Variants in SCN1A observed in about 807,000 individuals in gnomAD.
SCN1A encodes sodium channel protein type 1 subunit alpha.
Under a neutral mutation model 193.7 loss-of-function variants are expected in SCN1A, and 13 were observed. That is an observed-to-expected ratio of 0.07 (90% CI 0.04 to 0.11). The LOEUF (loss-of-function observed/expected upper bound fraction) is 0.11. SCN1A is among the 10% of genes least tolerant of loss of function. SCN1A has a pLI of 1.00. For missense variants in SCN1A, 1,432 were observed against 2,451.1 expected, an observed-to-expected ratio of 0.58 and a Z score of 8.78; for synonymous variants, 781 against 843.6, an observed-to-expected ratio of 0.93 and a Z score of 1.29.
chr2:166,095,260 T>C (rs1043684874), intron 2 of SCN1A, among the ~76,000 whole-genome samples: 1 of 152,208 alleles, frequency 6.6e-6, no homozygotes, highest in Non-Finnish European at 1.5e-5. Context: ...TATGATATAA[T>C]TATTTGTATT....
Position 165,991,141 on chromosome 2 carries a change from A to G in SCN1A, c.*104T>C. The G allele has an allele frequency of 1.0e-6, 1 of 1,003,064 alleles. No individual in the cohort carries two copies. The allele number at this position is 1,003,064 out of a possible 1,614,324, so 62.1% of individuals were successfully genotyped here. The stretch of plus-strand genomic sequence containing the variant: ...ACCTTAAGGAGATTTGTGTAAAAAC[A>G]GTCAGTTTGGCATTGACCTCCTAAA... On this transcript the variant is annotated 3_prime_UTR_variant, in exon 29 of 29. Transcript: ENST00000674923.
intron 22 of SCN1A, among the ~76,000 whole-genome samples, chr2:166,010,694 T>C (rs1692325066): frequency 6.6e-6 from 1 of 151,194 alleles, no homozygotes; most frequent in Non-Finnish European, 1.5e-5. Flanking sequence ...GCACACTATT[T>C]TTGTAAACTT....
At position 165,996,196 on chromosome 2, in the gene SCN1A, G is replaced by T; in HGVS notation, c.4477-79C>A. 4.6e-6 allele frequency: 4 copies of T among 861,866 alleles called. No homozygotes were observed. In the Admixed American group the frequency reaches 8.7e-5, roughly 19 times the overall value. 53.4% of individuals were successfully genotyped at this position (861,866 alleles called of 1,614,324 possible). ...TTCAATGTTAAAATAGAAAATGGAT[G>T]GCTAAAAAAAGAAATACAAAATTCA... On this transcript the variant is annotated intron_variant, in intron 26 of 28. Coordinates refer to ENST00000674923, the MANE Select transcript of SCN1A (RefSeq NM_001165963.4).
At chr2:166,078,468 TG>T (rs1685191558) in intron 2 of SCN1A, among the ~76,000 whole-genome samples, 1 of 150,754 alleles carries the variant, frequency 6.6e-6, no homozygotes, top group South Asian at 2.1e-4. Flanking sequence ...TATTGATAGT[TG>T]GGGGAGGCTC....
chr2:166,045,477 GA>G (rs1697713651), intron 12 of SCN1A, 150 bp from the exon 13 acceptor site: 1 of 862,570 alleles, frequency 1.2e-6, no homozygotes, highest in Admixed American at 3.1e-5. Context: ...TATAAGAGGA[GA>G]TTTTTTTTTT....
chr2:166,140,387 C>T (rs921767804), intron 1 of SCN1A, among the ~76,000 whole-genome samples: 5 of 151,956 alleles, frequency 3.3e-5, no homozygotes, highest in Non-Finnish European at 5.9e-5. Context: ...AGTAGCTGAC[C>T]GAAGATAGTT....
At chr2:166,014,033 G>C in intron 20 of SCN1A, 135 bp from the exon 21 acceptor site, 1 of 1,021,524 alleles carries the variant, frequency 9.8e-7, no homozygotes, top group Non-Finnish European at 1.5e-6. Flanking sequence ...GCCTAGAGTA[G>C]TAAGAGCACA....
intron 28 of SCN1A, chr2:165,993,542 T>TA (rs1689586506): frequency 6.6e-6 from 1 of 152,630 alleles, no homozygotes; most frequent in Non-Finnish European, 1.5e-5. Flanking sequence ...TTCCAGGCTT[T>TA]GAAGTATAGT....
At chr2:166,018,131 A>G (rs566640633) in intron 19 of SCN1A, among the ~76,000 whole-genome samples, 21 of 152,120 alleles carry the variant, frequency 1.4e-4, no homozygotes, top group Admixed American at 6.5e-4. Flanking sequence ...TTATTGCATG[A>G]TATTAAAGTA....
At chr2:165,999,829 G>T (rs1690593029) in intron 24 of SCN1A, 53 bp from the exon 25 acceptor site, 2 of 1,201,446 alleles carry the variant, frequency 1.7e-6, no homozygotes, top group African/African-American at 1.5e-5. Context: ...ATTTAGACCT[G>T]ATGTTTAATA....
At chr2:166,111,097 G>A (rs938908696) in intron 2 of SCN1A, among the ~76,000 whole-genome samples, 5 of 152,048 alleles carry the variant, frequency 3.3e-5, no homozygotes, top group Non-Finnish European at 5.9e-5. Flanking sequence ...ATTGATGAAG[G>A]TGACTACACT....
intron 4 of SCN1A, among the ~76,000 whole-genome samples, chr2:166,062,364 T>A (rs1683398715): frequency 6.6e-6 from 1 of 152,186 alleles, no homozygotes. Context: ...AATGTCAGTC[T>A]TATTATATGT....
intron 2 of SCN1A, among the ~76,000 whole-genome samples, chr2:166,106,997 T>A (rs1688764897): frequency 6.6e-6 from 1 of 152,202 alleles, no homozygotes; most frequent in African/African-American, 2.4e-5. Context: ...TCATTATTCA[T>A]GTTTTTTTAA....
intron 9 of SCN1A, among the ~76,000 whole-genome samples, chr2:166,050,620 T>TA (rs1486183783): frequency 4.6e-5 from 4 of 87,286 alleles, no homozygotes; most frequent in African/African-American, 1.9e-4. Context: ...AAAGTATATA[T>TA]ATATATATAT....
intron 2 of SCN1A, among the ~76,000 whole-genome samples, chr2:166,116,799 CAATT>C (rs1197220262): frequency 1.3e-5 from 2 of 152,162 alleles, no homozygotes; most frequent in Non-Finnish European, 2.9e-5. Flanking sequence ...ACAAGCACAT[CAATT>C]AATAAATTTA....
At chr2:166,064,144 G>A (rs557719024) in intron 4 of SCN1A, among the ~76,000 whole-genome samples, 31 of 152,234 alleles carry the variant, frequency 2.0e-4, no homozygotes, top group African/African-American at 7.2e-4. Context: ...TGTTAAGGGT[G>A]CAAACTCTGA....
Position 166,002,731 on chromosome 2 carries a change from C to T in SCN1A, c.4025G>A (p.Gly1342Glu). 1 of 1,610,080 alleles carries T rather than the reference C, an allele frequency of 6.2e-7. No individual in the cohort carries two copies. Among genetic ancestry groups the T allele is most frequent in the Non-Finnish European group, 8.5e-7 (1 of 1,177,926 alleles). Reference protein sequence around the residue: ...GMRVVVNALLGAIPSIMNVLL... With the variant: ...GMRVVVNALLEAIPSIMNVLL... ...CACATTCATGATGGATGGAATTGCT[C>T]CTAAAAGGGCATTCACAACCACCTA... Residue 1342 changes from glycine to glutamate, a missense_variant, in exon 24 of 29, where the codon GGA becomes GAA. Around this residue, in one of 18 missense-constraint regions of SCN1A, gnomAD observed 107 missense variants for 259.4 expected, o/e 0.41. Coordinates refer to ENST00000674923, the MANE Select transcript of SCN1A (RefSeq NM_001165963.4).
rs121918738 is a variant in SCN1A, at chr2:166,013,820, G to A, written c.3629C>T (p.Thr1210Met). The A allele has an allele frequency of 6.2e-6, 10 of 1,612,136 alleles. No homozygotes were observed. The highest frequency in any genetic ancestry group is 4.0e-5 in the African/African-American group (3 of 74,790). ...GTTATGTTCAACTATTCGGAAACACGTCCTTCTCAGGTTCCACCATTGTTT... is the reference window on the plus strand; with the variant it reads ...GTTATGTTCAACTATTCGGAAACACATCCTTCTCAGGTTCCACCATTGTTT... The part of the protein sequence containing the change: ...RGKQWWNLRR[T>M]CFRIVEHNWF... The change falls in exon 21 of 29, where the codon ACG becomes ATG. Residue 1210 changes from threonine (T) to methionine (M), a missense_variant. By Grantham distance (81) the Thr-to-Met change is moderately conservative (BLOSUM62 -1). This residue lies in a region of SCN1A where 107 missense variants were observed against 259.4 expected (regional missense o/e 0.41). Transcript: ENST00000674923.
intron 21 of SCN1A, 57 bp from the exon 22 acceptor site, chr2:166,012,339 T>A (rs1692599458): frequency 2.9e-6 from 4 of 1,383,876 alleles, no homozygotes; most frequent in Non-Finnish European, 4.0e-6. Context: ...CTCCATAAGC[T>A]ATTTAAAAAA....
Sources: allele counts gnomAD v4.1 joint callset (sites outside exome capture counted in the v4.1 genomes callset), GRCh38; gene constraint gnomAD v4.1.1; regional missense constraint gnomAD v4.1.1; transcripts MANE v1.5; gene names NCBI Gene and HGNC (gene_info 2026-07-23, HGNC 2026-07-21).